The following NID1 variants were observed in gnomAD, a reference collection of about 807,000 sequenced individuals.
NID1 encodes the protein nidogen 1.
NID1 carries 76 observed loss-of-function variants against 130.6 expected under a neutral mutation model. That is an observed-to-expected ratio of 0.58 (90% CI 0.48 to 0.70). The LOEUF is 0.70. Among genes scored for constraint, NID1 ranks in the 30% least tolerant of loss-of-function variants. NID1 has a pLI of 0.00. For missense variants in NID1, 1,517 were observed against 1,664.8 expected (o/e 0.91, Z 1.54); for synonymous variants, 665 against 675.1 (o/e 0.98, Z 0.23).
intron 14 of NID1, among the ~76,000 whole-genome samples, chr1:235,989,952 C>T (rs916234994): frequency 3.9e-5 from 6 of 152,164 alleles, no homozygotes; most frequent in Non-Finnish European, 7.3e-5. Flanking sequence ...AGGCCAGATC[C>T]TATAGGGCTT....
chr1:236,012,052 C>G lies in NID1; in HGVS notation c.2405-9G>C. On this transcript the variant is annotated splice_polypyrimidine_tract_variant and intron_variant, in intron 11 of 19. Transcript: ENST00000264187. Reference sequence around the variant, plus strand: ...CTGGCATTCATCTACATCTGTAAAACAGCCACCAGGCCCAGGGACAATGAG... The same window carrying G: ...CTGGCATTCATCTACATCTGTAAAAGAGCCACCAGGCCCAGGGACAATGAG... The G allele has an allele frequency of 6.2e-7, 1 of 1,609,954 alleles. No homozygotes were observed. Among genetic ancestry groups the G allele is most frequent in the Non-Finnish European group, 8.5e-7 (1 of 1,176,628 alleles).
chr1:236,014,885 C>A (rs1055359978), intron 10 of NID1, among the ~76,000 whole-genome samples: 1 of 152,232 alleles, frequency 6.6e-6, no homozygotes, highest in African/African-American at 2.4e-5. Context: ...TGAGGCCCAC[C>A]TTTCCTTCAC....
intron 5 of NID1, 43 bp downstream of exon 5, chr1:236,038,061 T>C: frequency 6.4e-7 from 1 of 1,565,336 alleles, no homozygotes; most frequent in Middle Eastern, 1.7e-4. Flanking sequence ...AAAACTCCGC[T>C]CCTCCTTCTC....
chr1:236,042,781 A>G (rs2102840794), intron 3 of NID1, among the ~76,000 whole-genome samples: 1 of 139,586 alleles, frequency 7.2e-6, no homozygotes, highest in African/African-American at 2.7e-5. Context: ...GAATTTCTGA[A>G]GTGATAAGAG....
chr1:236,056,458 C>T (rs891850511), intron 1 of NID1, among the ~76,000 whole-genome samples: 5 of 152,066 alleles, frequency 3.3e-5, no homozygotes, highest in African/African-American at 1.2e-4. Context: ...GGAAATTCAC[C>T]GTCTCAAACA....
chr1:236,001,281 AT>A (rs1319565091), intron 12 of NID1, among the ~76,000 whole-genome samples: 4 of 151,816 alleles, frequency 2.6e-5, no homozygotes, highest in African/African-American at 7.3e-5. Context: ...AATTTTCTGT[AT>A]TTTTAGTAGA....
At chr1:235,997,601 CT>C (rs11325487) in intron 12 of NID1, among the ~76,000 whole-genome samples, 22,555 of 127,516 alleles carry the variant, frequency 0.18, 2,374 homozygotes, top group East Asian at 0.54. Flanking sequence ...AGTTCCATTA[CT>C]TTTTTTTTTT....
chr1:236,058,347 C>T (rs987201958), intron 1 of NID1, among the ~76,000 whole-genome samples: 1 of 152,184 alleles, frequency 6.6e-6, no homozygotes, highest in African/African-American at 2.4e-5. Context: ...TCTTCCCACT[C>T]ACCCCAAGAA....
chr1:236,043,615 G>A (rs1449299268), intron 3 of NID1, among the ~76,000 whole-genome samples: 1 of 150,306 alleles, frequency 6.7e-6, no homozygotes, highest in Non-Finnish European at 1.5e-5. Flanking sequence ...TGGCTAACAT[G>A]GTGAAACCCC....
At chr1:236,015,393 T>C (rs958426796) in intron 10 of NID1, among the ~76,000 whole-genome samples, 2 of 152,072 alleles carry the variant, frequency 1.3e-5, no homozygotes, top group African/African-American at 4.8e-5. Context: ...ACACCTGTAA[T>C]CCCAGCATTT....
At chr1:236,009,312 C>T (rs1430239668) in intron 12 of NID1, among the ~76,000 whole-genome samples, 1 of 152,170 alleles carries the variant, frequency 6.6e-6, no homozygotes, top group Non-Finnish European at 1.5e-5. Context: ...AGTGAGCCTT[C>T]GCCAGACACT....
chr1:236,001,879 G>A (rs1019222555), intron 12 of NID1, among the ~76,000 whole-genome samples: 10 of 152,206 alleles, frequency 6.6e-5, no homozygotes, highest in Non-Finnish European at 8.8e-5. Context: ...AGCAGCTCTT[G>A]GCTCCCAGCT....
At chr1:235,987,159 A>G (rs4659618) in intron 14 of NID1, among the ~76,000 whole-genome samples, 122,378 of 152,112 alleles carry the variant, frequency 0.8, 49,444 homozygotes, top group African/African-American at 0.86. Context: ...CTCCTCAGAC[A>G]AGGCAAATCA....
chr1:236,057,702 GGAAA>G (rs1205594337), intron 1 of NID1, among the ~76,000 whole-genome samples: 2 of 138,094 alleles, frequency 1.4e-5, no homozygotes, highest in East Asian at 2.1e-4. Flanking sequence ...AAAGAAAGAA[GGAAA>G]GAAAGAAAGA....
chr1:236,024,978 C>T (rs1470008915), intron 8 of NID1, among the ~76,000 whole-genome samples: 1 of 151,580 alleles, frequency 6.6e-6, no homozygotes, highest in African/African-American at 2.4e-5. Context: ...TTTGAGACAG[C>T]CCCTCTCTGC....
At chr1:235,988,122 G>A (rs1419106751) in intron 14 of NID1, among the ~76,000 whole-genome samples, 2 of 152,180 alleles carry the variant, frequency 1.3e-5, no homozygotes, top group African/African-American at 4.8e-5. Context: ...TGGAATGGGA[G>A]AAAATATTGC....
intron 12 of NID1, among the ~76,000 whole-genome samples, chr1:235,999,838 C>A (rs922708207): frequency 1.3e-5 from 2 of 152,162 alleles, no homozygotes; most frequent in African/African-American, 4.8e-5. Flanking sequence ...CCAAAGTCAA[C>A]CTATGAAACT....
At chr1:236,055,260 C>T in intron 1 of NID1, among the ~76,000 whole-genome samples, 1 of 151,874 alleles carries the variant, frequency 6.6e-6, no homozygotes, top group Non-Finnish European at 1.5e-5. Context: ...GCCAAGACCA[C>T]ACCACTGCAC....
rs1384031586 is a variant in NID1, at chr1:236,008,725, G to A, written c.2527+3196C>T. On this transcript the variant is annotated intron_variant, in intron 12 of 19. Coordinates refer to ENST00000264187, the MANE Select transcript of NID1 (RefSeq NM_002508.3). ...CTTGTTGCCCAGGCTGGAATGCAACGGCGTGATCTCGGATCACCGCAACCT... is the reference window on the plus strand; with the variant it reads ...CTTGTTGCCCAGGCTGGAATGCAACAGCGTGATCTCGGATCACCGCAACCT... Among the ~76,000 whole-genome samples the A allele has an allele frequency of 3.3e-5, 5 of 150,112 alleles. No individual in the cohort carries two copies. In the East Asian group the frequency reaches 5.9e-4, roughly 18 times the overall value.
Sources: allele counts gnomAD v4.1 joint callset (sites outside exome capture counted in the v4.1 genomes callset), GRCh38; gene constraint gnomAD v4.1.1; transcripts MANE v1.5; gene names NCBI Gene and HGNC (gene_info 2026-07-23, HGNC 2026-07-21).